The following NLGN1 variants were observed in gnomAD, a reference collection of about 807,000 sequenced individuals.
The protein encoded by NLGN1 is neuroligin 1, also known as neuroligin-1.
NLGN1 carries 12 observed loss-of-function variants against 65.5 expected under a neutral mutation model. The ratio of observed to expected loss-of-function variants is 0.18; its 90% CI spans 0.12 to 0.30. The LOEUF (loss-of-function observed/expected upper bound fraction) is 0.30, where lower values mean the gene tolerates loss of function less well. Among genes scored for constraint, NLGN1 ranks in the 10% least tolerant of loss-of-function variants. The pLI, the probability that NLGN1 is intolerant of heterozygous loss-of-function variation, is 1.00. For synonymous variants in NLGN1, 350 were observed against 359.5 expected, an observed-to-expected ratio of 0.97 and a Z score of 0.30; for missense variants, 750 against 1,007.1, an observed-to-expected ratio of 0.74 and a Z score of 3.46.
chr3:173,565,802 T>G (rs930596370), intron 2 of NLGN1, among the ~76,000 whole-genome samples: 1 of 152,162 alleles, frequency 6.6e-6, no homozygotes, highest in Non-Finnish European at 1.5e-5. Context: ...GCACAATTAA[T>G]TGCAAGGAAG....
chr3:173,623,289 A>G (rs1344231361), intron 3 of NLGN1, among the ~76,000 whole-genome samples: 1 of 151,958 alleles, frequency 6.6e-6, no homozygotes, highest in Non-Finnish European at 1.5e-5. Flanking sequence ...GTTCAGTCTG[A>G]TTGGAAAAGA....
chr3:174,150,055 C>G (rs944878741), intron 4 of NLGN1, among the ~76,000 whole-genome samples: 3 of 152,102 alleles, frequency 2.0e-5, no homozygotes, highest in Non-Finnish European at 4.4e-5. Flanking sequence ...TGTCCCTGTC[C>G]TTATACGCTA....
chr3:173,400,218 T>A (rs1717408144), intron 1 of NLGN1, among the ~76,000 whole-genome samples: 1 of 152,182 alleles, frequency 6.6e-6, no homozygotes, highest in African/African-American at 2.4e-5. Context: ...TATCTGTAAA[T>A]GAAATCACCA....
exon 3 of NLGN1, chr3:173,605,049 G>A (rs762922847): frequency 1.9e-6 from 3 of 1,612,962 alleles, no homozygotes; most frequent in Non-Finnish European, 2.5e-6. Flanking sequence ...AGACCAGAGC[G>A]AAGACTGCCT....
chr3:174,070,969 C>T (rs1448810006), intron 4 of NLGN1, among the ~76,000 whole-genome samples: 1 of 152,088 alleles, frequency 6.6e-6, no homozygotes, highest in Non-Finnish European at 1.5e-5. Context: ...GTGGAAGGAT[C>T]ACTTGAGCCC....
rs778986642 is a variant in NLGN1, at chr3:174,280,703, TACA to T, written c.1878_1880del (p.Thr627del). 2 of 1,613,404 alleles carry T rather than the reference TACA, an allele frequency of 1.2e-6. No homozygotes were observed. Among genetic ancestry groups the T allele is most frequent in the Non-Finnish European group, 1.7e-6 (2 of 1,179,578 alleles). ...TCAATGACATTTCTCAGTATACCTC[TACA>T]ACAACTAAAGTGCCATCAACTGACA... On this transcript the variant is annotated inframe_deletion, in exon 7 of 7. Coordinates refer to ENST00000457714, the Ensembl canonical transcript of NLGN1. This position sits in a 1 kb window ranked among gnomAD's most constrained non-coding sequence, Gnocchi z 4.9.
chr3:173,895,013 A>G lies in NLGN1; in HGVS notation c.646+87181A>G, dbSNP rs1266949373. On this transcript the variant is annotated intron_variant, in intron 4 of 6. Transcript: ENST00000457714. ...CACTGGGCTAAAATCAGCGTATTAC[A>G]AAGACTGGATTTCTTACTGCAAGGT... Among the ~76,000 whole-genome samples, 7 of 152,192 alleles carry G rather than the reference A, an allele frequency of 4.6e-5. No homozygotes were observed. In the South Asian group the frequency reaches 6.2e-4, roughly 13 times the overall value.
intron 3 of NLGN1, among the ~76,000 whole-genome samples, chr3:173,658,843 T>A (rs1760482834): frequency 6.6e-6 from 1 of 152,018 alleles, no homozygotes; most frequent in East Asian, 1.9e-4. Flanking sequence ...ATGTACTTTA[T>A]AATCTATTCA....
chr3:174,246,514 G>C (rs978956653), intron 4 of NLGN1, among the ~76,000 whole-genome samples: 1 of 152,106 alleles, frequency 6.6e-6, no homozygotes, highest in Non-Finnish European at 1.5e-5. Context: ...AAACTCTTGG[G>C]CTTAAGTGAT....
chr3:173,698,968 T>G (rs1007651357), intron 3 of NLGN1, among the ~76,000 whole-genome samples: 2 of 152,132 alleles, frequency 1.3e-5, no homozygotes, highest in African/African-American at 2.4e-5. Flanking sequence ...GCGATTCTCC[T>G]GCCTCAGCCT....
chr3:173,849,382 C>T (rs192655678), intron 4 of NLGN1, among the ~76,000 whole-genome samples: 1 of 152,050 alleles, frequency 6.6e-6, no homozygotes, highest in Non-Finnish European at 1.5e-5. Context: ...TTTGAGAAAC[C>T]AGGCTTCCAT....
At chr3:173,598,804 A>G (rs952980422) in intron 2 of NLGN1, among the ~76,000 whole-genome samples, 13 of 152,174 alleles carry the variant, frequency 8.5e-5, no homozygotes, top group Non-Finnish European at 1.8e-4. Flanking sequence ...GGGATGTGCC[A>G]TTGGAAACAA....
At chr3:173,555,684 T>C (rs930545617) in intron 2 of NLGN1, among the ~76,000 whole-genome samples, 13 of 152,156 alleles carry the variant, frequency 8.5e-5, no homozygotes, top group Non-Finnish European at 1.8e-4. Flanking sequence ...GATTTTGCCA[T>C]GTTGCCTAGC....
At chr3:173,830,010 G>GTGT (rs76306125) in intron 4 of NLGN1, among the ~76,000 whole-genome samples, 93,384 of 139,732 alleles carry the variant, frequency 0.67, 31,845 homozygotes, top group Non-Finnish European at 0.74. Flanking sequence ...GGTAGTGTGG[G>GTGT]GGGGGGAGGG....
intron 3 of NLGN1, among the ~76,000 whole-genome samples, chr3:173,779,831 A>G (rs1352124930): frequency 2.0e-5 from 3 of 152,146 alleles, no homozygotes; most frequent in Admixed American, 6.5e-5. Context: ...GAGTGGCAGA[A>G]TATGGTGTAA....
At chr3:174,132,144 T>C (rs1267981888) in intron 4 of NLGN1, among the ~76,000 whole-genome samples, 1 of 152,208 alleles carries the variant, frequency 6.6e-6, no homozygotes, top group East Asian at 1.9e-4. Context: ...AATCAACCTT[T>C]ATAAAAATGA....
intron 2 of NLGN1, among the ~76,000 whole-genome samples, chr3:173,598,457 G>A (rs546512982): frequency 1.3e-5 from 2 of 152,206 alleles, no homozygotes; most frequent in African/African-American, 2.4e-5. Flanking sequence ...GTATGAACAC[G>A]CTGCTTTAGA....
intron 2 of NLGN1, among the ~76,000 whole-genome samples, chr3:173,526,397 T>A (rs1735649278): frequency 6.6e-6 from 1 of 152,166 alleles, no homozygotes; most frequent in Non-Finnish European, 1.5e-5. Flanking sequence ...CTCTTCATTT[T>A]TTAATTTTTA....
chr3:173,433,520 G>A (rs1402354646), intron 1 of NLGN1, among the ~76,000 whole-genome samples: 3 of 152,112 alleles, frequency 2.0e-5, no homozygotes, highest in East Asian at 1.9e-4. Flanking sequence ...AGGGAAGAGG[G>A]CCTGATCTTT....
Sources: allele counts gnomAD v4.1 joint callset (sites outside exome capture counted in the v4.1 genomes callset), GRCh38; gene constraint gnomAD v4.1.1; non-coding constraint Gnocchi (gnomAD v3.1); transcripts MANE v1.5; gene names NCBI Gene and HGNC (gene_info 2026-07-23, HGNC 2026-07-21).